The following TMIGD3 variants were observed in gnomAD, a reference collection of about 807,000 sequenced individuals.
The protein encoded by TMIGD3 is AD026 protein (AD026).
A neutral mutation model predicts 28.1 loss-of-function variants in TMIGD3; 21 were observed. The ratio of observed to expected loss-of-function variants is 0.75; its 90% confidence interval spans 0.53 to 1.08. TMIGD3 has a LOEUF of 1.08. Among genes scored for constraint, TMIGD3 ranks in the 50% least tolerant of loss-of-function variants. TMIGD3 has a pLI of 0.00. For missense variants in TMIGD3, 416 were observed against 435.6 expected (o/e 0.96, Z 0.40); for synonymous variants, 151 against 162.1 (o/e 0.93, Z 0.52).
At chr1:111,546,453 GTTC>G (rs1195911865) in intron 1 of TMIGD3, among the ~76,000 whole-genome samples, 2 of 151,908 alleles carry the variant, frequency 1.3e-5, no homozygotes, top group Non-Finnish European at 2.9e-5. Flanking sequence ...GGGAAGCATC[GTTC>G]TTCTCCTTTC....
intron 2 of TMIGD3, chr1:111,489,746 G>A: frequency 9.7e-7 from 1 of 1,032,412 alleles, no homozygotes; most frequent in Non-Finnish European, 1.2e-6. Flanking sequence ...GCTTCTGCTG[G>A]CTGCACAGGG....
intron 1 of TMIGD3, among the ~76,000 whole-genome samples, chr1:111,497,368 C>A (rs555656299): frequency 3.3e-4 from 51 of 152,286 alleles, no homozygotes; most frequent in Admixed American, 7.2e-4. Flanking sequence ...CCTCGGCCTC[C>A]CAAAGTGCTG....
At chr1:111,508,380 A>G (rs979576550), upstream of TMIGD3, among the ~76,000 whole-genome samples, 3 of 152,242 alleles carry the variant, frequency 2.0e-5, no homozygotes, top group African/African-American at 7.2e-5. Context: ...GCTATGCTCA[A>G]TGGTGGCCAC....
At chr1:111,484,869 A>G (rs1005435345) in intron 5 of TMIGD3, among the ~76,000 whole-genome samples, 3 of 152,242 alleles carry the variant, frequency 2.0e-5, no homozygotes, top group Non-Finnish European at 4.4e-5. Context: ...AAAAAGAAAA[A>G]TGCAAAACTA....
chr1:111,552,533 C>A lies in TMIGD3; in HGVS notation c.107+11313G>T, dbSNP rs573728491. On this transcript the variant is annotated intron_variant, in intron 1 of 5. Coordinates refer to the TMIGD3 transcript ENST00000369717. ...TTTTCAGAGTACCTTACTCTACCAT[C>A]TTCACAGAGACCATAATTCACCATT... Among the ~76,000 whole-genome samples, 10 of 152,330 alleles carry A rather than the reference C, an allele frequency of 6.6e-5. No individual in the cohort carries two copies. In the South Asian group the frequency reaches 2.1e-3, roughly 32 times the overall value.
chr1:111,515,609 C>T (rs1402068847), intron 1 of TMIGD3, among the ~76,000 whole-genome samples: 1 of 152,214 alleles, frequency 6.6e-6, no homozygotes, highest in African/African-American at 2.4e-5. Context: ...CGCGGCAGCA[C>T]GGGCCGCTCC....
At chr1:111,485,077 C>T (rs932789871) in intron 5 of TMIGD3, among the ~76,000 whole-genome samples, 9 of 152,166 alleles carry the variant, frequency 5.9e-5, no homozygotes, top group African/African-American at 2.2e-4. Context: ...ATGGGGAGAC[C>T]TAAAGATCAG....
chr1:111,534,692 A>AAATC (rs1467385185), intron 1 of TMIGD3, among the ~76,000 whole-genome samples: 1 of 152,126 alleles, frequency 6.6e-6, no homozygotes, highest in Non-Finnish European at 1.5e-5. Flanking sequence ...AGCCTCTGGG[A>AAATC]GCACATGAAT....
At chr1:111,530,577 GA>G (rs767074526) in intron 1 of TMIGD3, among the ~76,000 whole-genome samples, 5 of 152,066 alleles carry the variant, frequency 3.3e-5, no homozygotes, top group Non-Finnish European at 4.4e-5. Flanking sequence ...TGTCATTGTT[GA>G]AAGACATTTT....
At chr1:111,528,101 C>T (rs987479705) in intron 1 of TMIGD3, among the ~76,000 whole-genome samples, 1 of 151,938 alleles carries the variant, frequency 6.6e-6, no homozygotes, top group Non-Finnish European at 1.5e-5. Context: ...TAGATTTTCT[C>T]CTGCATTACC....
At chr1:111,541,375 G>A (rs991102114) in intron 1 of TMIGD3, among the ~76,000 whole-genome samples, 1 of 152,144 alleles carries the variant, frequency 6.6e-6, no homozygotes, top group East Asian at 1.9e-4. Context: ...GTCTATATAA[G>A]GAAGCTAAAC....
Position 111,491,954 on chromosome 1 carries a change from A to C in TMIGD3, c.351-1192T>G, listed in dbSNP as rs571086804. On this transcript the variant is annotated intron_variant, in intron 1 of 5. Transcript: ENST00000369716. ...CTTATGTAGTCCCCTCCCACACTGA[A>C]TCAGGACTGGCCTGTGTGATCAATA... 1.8e-3 allele frequency among the ~76,000 whole-genome samples: 273 copies of C among 152,310 alleles called. 1 individual carries two copies. Among genetic ancestry groups the C allele is most frequent in the Non-Finnish European group, 2.9e-3 (194 of 68,016 alleles).
At chr1:111,558,379 G>GT (rs1451395114) in intron 1 of TMIGD3, among the ~76,000 whole-genome samples, 1 of 151,570 alleles carries the variant, frequency 6.6e-6, no homozygotes, top group East Asian at 1.9e-4. Context: ...TTAAGACAGG[G>GT]TTTTGCCATG....
rs751566629 is a variant in TMIGD3 at position 111,488,694 on chromosome 1, T to C, written c.788A>G (p.Asp263Gly). 1 of 1,613,578 alleles carries C rather than the reference T, an allele frequency of 6.2e-7. No individual in the cohort carries two copies. The highest frequency in any genetic ancestry group is 1.1e-5 in the South Asian group (1 of 91,078). The change falls in exon 3 of 6, where the codon GAC becomes GGC. Residue 263 changes from aspartate to glycine, a missense_variant. Asp to Gly is a moderately conservative substitution (Grantham distance 94). Transcript: ENST00000369716. ...VTDDKGTLANDFWSGKDLSGN... is the reference protein window; with the variant it reads ...VTDDKGTLANGFWSGKDLSGN... ...CTCCTTACCTTTCCCAGACCAAAAGTCATTGGCCAGGGTTCCTTTGTCGTC... is the reference window on the plus strand; with the variant it reads ...CTCCTTACCTTTCCCAGACCAAAAGCCATTGGCCAGGGTTCCTTTGTCGTC...
intron 1 of TMIGD3, among the ~76,000 whole-genome samples, chr1:111,516,291 A>G (rs1458741789): frequency 6.6e-6 from 1 of 152,210 alleles, no homozygotes; most frequent in Non-Finnish European, 1.5e-5. Context: ...CACCCCCTCC[A>G]GGTCAGTCAG....
upstream of TMIGD3, among the ~76,000 whole-genome samples, chr1:111,506,568 G>A (rs1655496365): frequency 3.3e-5 from 5 of 152,304 alleles, no homozygotes; most frequent in South Asian, 1.0e-3. Flanking sequence ...GTTCCGAATG[G>A]CAGCCCTCAG....
In TMIGD3 at chr1:111,485,662, T is replaced by C. The variant is rs1292802776; in HGVS notation, c.973+78A>G. 7 of 1,146,852 alleles carry C rather than the reference T, an allele frequency of 6.1e-6. No individual in the cohort carries two copies. In the East Asian group the frequency reaches 1.7e-4, roughly 28 times the overall value. 71.0% of individuals were successfully genotyped at this position (1,146,852 alleles called of 1,614,324 possible). ...GCAATATGAAGAGGCTCTCATTCAC[T>C]CATTTGAAATCTGCTCCTTGACCTC... is the stretch of plus-strand genomic sequence containing the variant. On this transcript the variant is annotated intron_variant, in intron 5 of 5. Transcript: ENST00000369716.
At chr1:111,554,962 A>G (rs531241208) in intron 1 of TMIGD3, among the ~76,000 whole-genome samples, 3 of 152,336 alleles carry the variant, frequency 2.0e-5, no homozygotes, top group Non-Finnish European at 4.4e-5. Flanking sequence ...ACCTACCGAG[A>G]CTTTAAATGT....
intron 1 of TMIGD3, among the ~76,000 whole-genome samples, chr1:111,549,102 ACATCCATATT>A (rs1657147731): frequency 6.6e-6 from 1 of 152,200 alleles, no homozygotes; most frequent in Non-Finnish European, 1.5e-5. Flanking sequence ...GAAGATTTGT[ACATCCATATT>A]CACAATGGAT....
Sources: allele counts gnomAD v4.1 joint callset (sites outside exome capture counted in the v4.1 genomes callset), GRCh38; gene constraint gnomAD v4.1.1; transcripts MANE v1.5; gene names NCBI Gene and HGNC (gene_info 2026-07-23, HGNC 2026-07-21).